AHNAK: variants seen among roughly 807,000 people sequenced by gnomAD.
AHNAK encodes the protein neuroblast differentiation-associated protein AHNAK.
In AHNAK, 23 loss-of-function variants were observed where a neutral mutation model predicts 37.8. That is an observed-to-expected ratio of 0.61 (90% CI 0.44 to 0.86). AHNAK has a LOEUF of 0.86. AHNAK is among the 40% of genes least tolerant of loss of function. AHNAK has a pLI of 0.00. For synonymous variants in AHNAK, 2,481 were observed against 2,636.3 expected, an observed-to-expected ratio of 0.94 and a Z score of 1.80; for missense variants, 7,411 against 7,319.4, an observed-to-expected ratio of 1.01 and a Z score of -0.46.
chr11:62,508,140 T>G, intron 4 of AHNAK, among the ~76,000 whole-genome samples: 1 of 152,116 alleles, frequency 6.6e-6, no homozygotes, highest in East Asian at 1.9e-4. Context: ...TTCGACAATG[T>G]TAAAAAGTCC....
At position 62,516,836 on chromosome 11, in the gene AHNAK, G is replaced by A. The variant is rs775169879; in HGVS notation, c.17581C>T (p.Arg5861Ter). The change falls in exon 5 of 5, where the codon CGA becomes TGA. Residue 5861 changes from arginine (R) to a stop codon, truncating the protein, a stop_gained. Coordinates refer to ENST00000378024, the MANE Select transcript of AHNAK (RefSeq NM_001620.3). LOFTEE classifies it high-confidence loss of function. ...TCATTGCTAGAAGAGGAGGACAGTC[G>A]GGACTTCTTAGAGGCCAGGGACACC... The part of the protein sequence containing the change: ...SGVSLASKKS[R>*]LSSSSSNDSG... 1.7e-5 allele frequency: 28 copies of A among 1,613,980 alleles called. 1 individual carries two copies. Among genetic ancestry groups the A allele is most frequent in the South Asian group, 5.5e-5 (5 of 91,082 alleles).
intron 5 of AHNAK, among the ~76,000 whole-genome samples, chr11:62,480,932 A>G (rs908695894): frequency 2.0e-5 from 3 of 151,986 alleles, no homozygotes; most frequent in African/African-American, 7.2e-5. Context: ...AGACCTCAGT[A>G]AATAATGTCC....
intron 1 of AHNAK, among the ~76,000 whole-genome samples, chr11:62,539,164 C>T (rs1362681237): frequency 1.3e-5 from 2 of 152,220 alleles, no homozygotes; most frequent in African/African-American, 4.8e-5. Flanking sequence ...CAAGAAACAG[C>T]AAAGCTGGGG....
chr11:62,531,036 G>C lies in AHNAK; in HGVS notation c.3381C>G (p.Pro1127=). Residue 1127 remains proline (P), a synonymous_variant, in exon 5 of 5, where the codon CCC becomes CCG. Coordinates refer to ENST00000378024, the MANE Select transcript of AHNAK (RefSeq NM_001620.3). The part of the protein sequence containing the change: ...GQGLDWSLKI[P]KMKMPKFSMP... ...TGCTGAACTTGGGCATTTTCATCTT[G>C]GGTATTTTCAGGCTCCAGTCCAGGC... is the stretch of plus-strand genomic sequence containing the variant. The C allele has an allele frequency of 6.2e-7, 1 of 1,609,098 alleles. No individual in the cohort carries two copies. Among genetic ancestry groups the C allele is most frequent in the East Asian group, 2.2e-5 (1 of 44,490 alleles).
In AHNAK at chr11:62,517,621, C is replaced by T; in HGVS notation, c.16796G>A (p.Gly5599Glu). Residue 5599 changes from glycine (G) to glutamate (E), a missense_variant, in exon 5 of 5, where the codon GGA becomes GAA. Gly to Glu is a moderately conservative substitution (Grantham distance 98, BLOSUM62 -2). Coordinates refer to ENST00000378024, the MANE Select transcript of AHNAK (RefSeq NM_001620.3). ...GTTGAGAGCAGAGGAGACTTGGGGTCCCTTCCACTCACCCCCGGAACCTTT... is the reference window on the plus strand; with the variant it reads ...GTTGAGAGCAGAGGAGACTTGGGGTTCCTTCCACTCACCCCCGGAACCTTT... ...SVKGSGGEWK[G>E]PQVSSALNLD... The T allele has an allele frequency of 6.2e-7, 1 of 1,614,126 alleles. No individual in the cohort carries two copies. Among genetic ancestry groups the T allele is most frequent in the Non-Finnish European group, 8.5e-7 (1 of 1,180,024 alleles).
chr11:62,459,777 C>T (rs745416230), intron 5 of AHNAK, among the ~76,000 whole-genome samples: 11 of 152,272 alleles, frequency 7.2e-5, no homozygotes, highest in Admixed American at 1.3e-4. Flanking sequence ...TTTCCCAAGA[C>T]GACATATAGG....
intron 5 of AHNAK, among the ~76,000 whole-genome samples, chr11:62,460,535 T>G (rs1392198101): frequency 6.6e-6 from 1 of 152,220 alleles, no homozygotes; most frequent in Non-Finnish European, 1.5e-5. Flanking sequence ...CTTTTCACTT[T>G]CAAACAGCTT....
intron 5 of AHNAK, among the ~76,000 whole-genome samples, chr11:62,453,183 T>C (rs995362060): frequency 6.6e-6 from 1 of 152,118 alleles, no homozygotes; most frequent in Admixed American, 6.6e-5. Flanking sequence ...ATCACCTCCA[T>C]GGCACGTCGG....
intron 5 of AHNAK, among the ~76,000 whole-genome samples, chr11:62,486,461 T>A (rs111840304): frequency 0.038 from 5,349 of 141,784 alleles, 316 homozygotes; most frequent in African/African-American, 0.13. Flanking sequence ...CAACAAGAGC[T>A]AAACTCCGAA....
At chr11:62,447,660 G>A (rs930344598) in intron 5 of AHNAK, among the ~76,000 whole-genome samples, 6 of 141,842 alleles carry the variant, frequency 4.2e-5, no homozygotes, top group South Asian at 2.2e-4. Context: ...CTCCTCCCTC[G>A]GTTACTGCCT....
chr11:62,483,417 C>T (rs535405979), intron 5 of AHNAK, among the ~76,000 whole-genome samples: 1 of 152,354 alleles, frequency 6.6e-6, no homozygotes, highest in East Asian at 1.9e-4. Flanking sequence ...ATCTACACAA[C>T]ACTCTCTACA....
At chr11:62,443,385 G>T (rs1479901618) in intron 5 of AHNAK, among the ~76,000 whole-genome samples, 1 of 150,718 alleles carries the variant, frequency 6.6e-6, no homozygotes, top group Non-Finnish European at 1.5e-5. Context: ...CGATTCTCCT[G>T]CCTCAGCCTC....
In AHNAK at chr11:62,523,657, T is replaced by C. The variant is rs115937732; in HGVS notation, c.10760A>G (p.Asn3587Ser). 2,760 of 1,614,066 alleles carry C rather than the reference T, an allele frequency of 1.7e-3. 46 individuals are homozygous for C. In the African/African-American group the frequency reaches 0.03, roughly 18 times the overall value. The change falls in exon 5 of 5, where the codon AAT becomes AGT. Residue 3587 changes from asparagine to serine, a missense_variant. Transcript: ENST00000378024. Reference sequence around the variant, plus strand: ...ACCATGAACATCCACATCTGGGGCATTGATGTCCACTTTAGGGCCTTTGAT... The same window carrying C: ...ACCATGAACATCCACATCTGGGGCACTGATGTCCACTTTAGGGCCTTTGAT... Reference protein sequence around the residue: ...VDIKGPKVDINAPDVDVHGPD... With the variant: ...VDIKGPKVDISAPDVDVHGPD...
At chr11:62,545,355 C>T (rs1941273496) in intron 1 of AHNAK, among the ~76,000 whole-genome samples, 1 of 152,220 alleles carries the variant, frequency 6.6e-6, no homozygotes, top group African/African-American at 2.4e-5. Flanking sequence ...CCCTCCGCAC[C>T]CCTCCCAGCA....
In AHNAK at chr11:62,507,901, G is replaced by A. The variant is rs116108133; in HGVS notation, c.343-16070C>T. On this transcript the variant is annotated intron_variant, in intron 4 of 5. Transcript: ENST00000257247. ...ATTATTATTATTCCCCTACTGGATG[G>A]TAGGCTCATTGAAGAAAGGGGCTTT... Among the ~76,000 whole-genome samples, 919 of 152,310 alleles carry A rather than the reference G, an allele frequency of 6.0e-3. 9 individuals are homozygous for A. Among genetic ancestry groups the A allele is most frequent in the African/African-American group, 0.021 (871 of 41,556 alleles).
At chr11:62,544,228 C>G (rs1033919519) in intron 1 of AHNAK, among the ~76,000 whole-genome samples, 1 of 152,164 alleles carries the variant, frequency 6.6e-6, no homozygotes, top group African/African-American at 2.4e-5. Context: ...CAACTCCGTA[C>G]CCTGGGCTGA....
intron 5 of AHNAK, among the ~76,000 whole-genome samples, chr11:62,487,146 A>G (rs1269743715): frequency 1.3e-5 from 2 of 152,264 alleles, no homozygotes; most frequent in Non-Finnish European, 1.5e-5. Context: ...TCCAGTGTGA[A>G]GCTGATAAAG....
chr11:62,523,072 T>A lies in AHNAK; in HGVS notation c.11345A>T (p.Lys3782Met). 6.2e-7 allele frequency: 1 copy of A among 1,614,104 alleles called. No individual in the cohort carries two copies. Among genetic ancestry groups the A allele is most frequent in the South Asian group, 1.1e-5 (1 of 91,084 alleles). ...AGCATTAATGTCCACTTTGGGGCCC[T>A]TGATGTCAACTTCAGGACCCTTGAG... ...GDLKGPEVDI[K>M]GPKVDINAPD... The change falls in exon 5 of 5, where the codon AAG becomes ATG. Residue 3782 changes from lysine (K) to methionine (M), a missense_variant. Transcript: ENST00000378024.
rs1177520595 is a variant in AHNAK at position 62,527,084 on chromosome 11, C to T, written c.7333G>A (p.Asp2445Asn). The change falls in exon 5 of 5, where the codon GAT becomes AAT. Residue 2445 changes from aspartate to asparagine, a missense_variant. Transcript: ENST00000378024. Reference protein sequence around the residue: ...KLKGPKFKMPDMHFKAPNISM... With the variant: ...KLKGPKFKMPNMHFKAPNISM... ...ATATTGGGGGCTTTGAAATGCATAT[C>T]AGGCATCTTGAACTTAGGGCCTTTC... 3 of 1,614,204 alleles carry T rather than the reference C, an allele frequency of 1.9e-6. No individual in the cohort carries two copies. Among genetic ancestry groups the T allele is most frequent in the African/African-American group, 2.7e-5 (2 of 75,048 alleles).
Sources: gnomAD v4.1 joint callset for allele counts (sites outside exome capture counted in the v4.1 genomes callset) on GRCh38, gnomAD v4.1.1 for gene constraint, MANE v1.5 for transcripts, NCBI Gene and HGNC (gene_info 2026-07-23, HGNC 2026-07-21) for gene names.